The following GRIK3 variants were observed in gnomAD, a reference collection of about 807,000 sequenced individuals.
GRIK3 encodes the protein glutamate receptor ionotropic, kainate 3.
In GRIK3, 29 loss-of-function variants were observed where a neutral mutation model predicts 102.5. That is an observed-to-expected ratio of 0.28 (90% CI 0.21 to 0.39). GRIK3 has a LOEUF of 0.39. Ranked by LOEUF, GRIK3 falls within the 10% of genes least tolerant of loss-of-function variation. The pLI, the probability that GRIK3 is intolerant of heterozygous loss-of-function variation, is 1.00. For synonymous variants in GRIK3, 511 were observed against 504.9 expected (o/e 1.01, Z -0.16); for missense variants, 908 against 1,252.4 (o/e 0.73, Z 4.15).
intron 1 of GRIK3, among the ~76,000 whole-genome samples, chr1:36,959,745 G>GC (rs1641978354): frequency 9.8e-6 from 1 of 102,356 alleles, no homozygotes; most frequent in Non-Finnish European, 2.1e-5. Flanking sequence ...GAGTCTGTGC[G>GC]CCCCATTGAG....
chr1:36,830,894 C>T (rs1008994980), intron 10 of GRIK3, among the ~76,000 whole-genome samples: 6 of 151,526 alleles, frequency 4.0e-5, no homozygotes, highest in Admixed American at 2.6e-4. Flanking sequence ...AGGCAGAGAC[C>T]GGAATAGCAG....
At chr1:36,816,956 A>T (rs545289287) in intron 13 of GRIK3, 104 bp downstream of exon 13, 3 of 760,686 alleles carry the variant, frequency 3.9e-6, no homozygotes, top group Non-Finnish European at 6.7e-6. Flanking sequence ...CCCATTGGCC[A>T]TGCGTGGTTA....
intron 1 of GRIK3, among the ~76,000 whole-genome samples, chr1:37,010,988 G>C (rs533693751): frequency 6.6e-6 from 1 of 152,060 alleles, no homozygotes; most frequent in Admixed American, 6.5e-5. Flanking sequence ...TGATCCACCC[G>C]CCTCCGCCTC....
rs148470855 is a variant in GRIK3, at chr1:36,822,358, C to T, written c.1755-2504G>A. On this transcript the variant is annotated intron_variant, in intron 11 of 15. Coordinates refer to ENST00000373091, the MANE Select transcript of GRIK3 (RefSeq NM_000831.4). ...TGCCGTTACAGGTTGGGGTCCTCAT[C>T]GCCTCCCGAGAGGTGAAAGCATGCA... Among the ~76,000 whole-genome samples, 279 of 152,284 alleles carry T rather than the reference C, an allele frequency of 1.8e-3. 2 individuals are homozygous for T. The East Asian group carries it at 0.027, about 15-fold the overall frequency.
At chr1:36,893,229 T>C (rs889855584) in intron 1 of GRIK3, among the ~76,000 whole-genome samples, 9 of 152,086 alleles carry the variant, frequency 5.9e-5, no homozygotes, top group African/African-American at 1.9e-4. Flanking sequence ...TTAAAAACCA[T>C]AAACAAAATT....
intron 7 of GRIK3, among the ~76,000 whole-genome samples, chr1:36,858,065 C>G (rs571830701): frequency 2.0e-5 from 3 of 152,226 alleles, no homozygotes; most frequent in Non-Finnish European, 2.9e-5. Flanking sequence ...TTTGTCCTTT[C>G]TATCCCGAGT....
intron 1 of GRIK3, among the ~76,000 whole-genome samples, chr1:36,997,821 A>AT (rs1442052317): frequency 2.2e-4 from 34 of 152,260 alleles, no homozygotes; most frequent in Middle Eastern, 3.4e-3. Flanking sequence ...GGGTGACCAG[A>AT]TACAGCCTGG....
intron 1 of GRIK3, among the ~76,000 whole-genome samples, chr1:36,936,194 A>C (rs1249370648): frequency 2.0e-5 from 3 of 152,158 alleles, no homozygotes; most frequent in Non-Finnish European, 2.9e-5. Context: ...ATGGGTGAAG[A>C]AAATACAAAA....
At chr1:36,924,427 G>T (rs1445574017) in intron 1 of GRIK3, among the ~76,000 whole-genome samples, 2 of 152,180 alleles carry the variant, frequency 1.3e-5, no homozygotes, top group African/African-American at 4.8e-5. Flanking sequence ...TGATGGCTGA[G>T]GGTAGGGAGA....
At chr1:36,908,778 G>GT (rs149059708) in intron 1 of GRIK3, among the ~76,000 whole-genome samples, 1 of 147,004 alleles carries the variant, frequency 6.8e-6, no homozygotes, top group Non-Finnish European at 1.5e-5. Flanking sequence ...AATGGGATAG[G>GT]GTGTGTGTGT....
At chr1:37,022,633 C>A (rs1252797919) in intron 1 of GRIK3, among the ~76,000 whole-genome samples, 3 of 152,240 alleles carry the variant, frequency 2.0e-5, no homozygotes, top group African/African-American at 7.2e-5. Flanking sequence ...ACAGCATGAG[C>A]ATCTTGACTT....
intron 15 of GRIK3, among the ~76,000 whole-genome samples, chr1:36,803,392 T>C (rs1642463450): frequency 6.6e-6 from 1 of 152,080 alleles, no homozygotes; most frequent in African/African-American, 2.4e-5. Context: ...TTTAGGCTTT[T>C]TGGTGGAATG....
At chr1:36,972,351 G>A (rs910070930) in intron 1 of GRIK3, among the ~76,000 whole-genome samples, 2 of 152,320 alleles carry the variant, frequency 1.3e-5, no homozygotes, top group South Asian at 2.1e-4. Context: ...CAGGCCTTCC[G>A]TACTGATTCC....
At chr1:36,940,093 G>C (rs981521860) in intron 1 of GRIK3, among the ~76,000 whole-genome samples, 3 of 152,184 alleles carry the variant, frequency 2.0e-5, no homozygotes, top group Non-Finnish European at 4.4e-5. Context: ...CAATAAGCAA[G>C]GAAAATAAAG....
intron 1 of GRIK3, among the ~76,000 whole-genome samples, chr1:36,959,072 T>G (rs1641965989): frequency 1.8e-5 from 2 of 113,336 alleles, no homozygotes; most frequent in Non-Finnish European, 3.8e-5. Flanking sequence ...CTGCACCCCA[T>G]GAGCGTCTAT....
intron 7 of GRIK3, 24 bp from the exon 8 acceptor site, chr1:36,853,746 G>C: frequency 7.6e-7 from 1 of 1,319,378 alleles, no homozygotes; most frequent in Non-Finnish European, 1.1e-6. Context: ...AGGGCAGAGC[G>C]GCAATTCCTC....
chr1:36,831,976 C>T (rs80328850), intron 10 of GRIK3, among the ~76,000 whole-genome samples: 174 of 152,250 alleles, frequency 1.1e-3, no homozygotes, highest in African/African-American at 4.1e-3. Flanking sequence ...ACCTCTTCCT[C>T]CCCAAACTCT....
chr1:36,866,546 GCAGGATGT>G (rs1640786872), intron 5 of GRIK3, among the ~76,000 whole-genome samples: 1 of 152,216 alleles, frequency 6.6e-6, no homozygotes, highest in Admixed American at 6.5e-5. Flanking sequence ...GAAAACAAAA[GCAGGATGT>G]TTAGTTTATT....
chr1:36,967,353 C>T (rs1432766730), intron 1 of GRIK3, among the ~76,000 whole-genome samples: 1 of 152,214 alleles, frequency 6.6e-6, no homozygotes, highest in Non-Finnish European at 1.5e-5. Context: ...TCTGCCTTGT[C>T]CTGGATTTCT....
Sources: gnomAD v4.1 joint callset for allele counts (sites outside exome capture counted in the v4.1 genomes callset) on GRCh38, gnomAD v4.1.1 for gene constraint, MANE v1.5 for transcripts, NCBI Gene and HGNC (gene_info 2026-07-23, HGNC 2026-07-21) for gene names.